DOCK2: variants seen among roughly 807,000 people sequenced by gnomAD.
DOCK2 encodes dedicator of cytokinesis protein 2.
A neutral mutation model predicts 248.9 loss-of-function variants in DOCK2; 87 were observed. The observed-to-expected ratio is 0.35, with a 90% CI of 0.29 to 0.42. DOCK2 has a LOEUF of 0.42. Among genes scored for constraint, DOCK2 ranks in the 10% least tolerant of loss-of-function variants. The pLI is 1.00. For synonymous variants in DOCK2, 805 were observed against 821.6 expected (o/e 0.98, Z 0.35); for missense variants, 1,747 against 2,300.2 (o/e 0.76, Z 4.92).
intron 27 of DOCK2, among the ~76,000 whole-genome samples, chr5:169,971,728 A>G (rs986661761): frequency 2.0e-5 from 3 of 152,230 alleles, no homozygotes; most frequent in African/African-American, 7.2e-5. Context: ...GCCTGAAGGC[A>G]ACACAGTAGG....
chr5:169,781,339 T>C (rs994161151), intron 25 of DOCK2, among the ~76,000 whole-genome samples: 4 of 152,216 alleles, frequency 2.6e-5, no homozygotes, highest in Non-Finnish European at 4.4e-5. Context: ...AGACCTGCTG[T>C]GCTAAGAGCT....
intron 27 of DOCK2, among the ~76,000 whole-genome samples, chr5:169,899,071 A>G (rs2113570852): frequency 6.6e-6 from 1 of 152,352 alleles, no homozygotes. Context: ...AAAGTGCAAG[A>G]TGGCAAGTAA....
intron 22 of DOCK2, among the ~76,000 whole-genome samples, chr5:169,720,120 A>C (rs1762113022): frequency 6.6e-6 from 1 of 152,190 alleles, no homozygotes; most frequent in African/African-American, 2.4e-5. Context: ...GTCATTCTGA[A>C]AGTGAAGTGT....
intron 27 of DOCK2, among the ~76,000 whole-genome samples, chr5:169,879,075 A>G (rs985714638): frequency 2.0e-5 from 3 of 152,194 alleles, no homozygotes; most frequent in African/African-American, 4.8e-5. Context: ...AGCAAGCAGC[A>G]TAGCCATAGC....
intron 27 of DOCK2, among the ~76,000 whole-genome samples, chr5:169,898,576 A>T (rs1263589096): frequency 2.6e-5 from 4 of 152,194 alleles, no homozygotes; most frequent in Non-Finnish European, 5.9e-5. Context: ...ACCGGATTGC[A>T]GTATGAGTTC....
intron 2 of DOCK2, among the ~76,000 whole-genome samples, chr5:169,656,480 C>T (rs1029141788): frequency 1.2e-4 from 18 of 152,106 alleles, no homozygotes; most frequent in African/African-American, 2.9e-4. Flanking sequence ...TGTGCCACCA[C>T]GCCTGTATTT....
intron 27 of DOCK2, among the ~76,000 whole-genome samples, chr5:169,841,067 T>C (rs1769933373): frequency 6.6e-6 from 1 of 152,148 alleles, no homozygotes; most frequent in African/African-American, 2.4e-5. Flanking sequence ...TAGTTGAGTG[T>C]ACCAGCGCTA....
chr5:170,015,456 T>C (rs1755486921), intron 32 of DOCK2, among the ~76,000 whole-genome samples: 1 of 152,154 alleles, frequency 6.6e-6, no homozygotes, highest in Admixed American at 6.5e-5. Flanking sequence ...AGAGAATTGA[T>C]TGCCTGTTTC....
chr5:169,652,948 C>G (rs555974458), intron 1 of DOCK2, among the ~76,000 whole-genome samples: 17 of 152,212 alleles, frequency 1.1e-4, no homozygotes, highest in Non-Finnish European at 1.9e-4. Flanking sequence ...TCCGTATCCT[C>G]AAAGGTAAAA....
intron 25 of DOCK2, among the ~76,000 whole-genome samples, chr5:169,788,077 A>G (rs1486206140): frequency 2.6e-4 from 40 of 152,040 alleles, no homozygotes; most frequent in Admixed American, 2.4e-3. Flanking sequence ...TCTTATAGAT[A>G]CTCAAACTCA....
intron 1 of DOCK2, among the ~76,000 whole-genome samples, chr5:169,648,064 G>A (rs970523913): frequency 6.6e-6 from 1 of 152,134 alleles, no homozygotes; most frequent in African/African-American, 2.4e-5. Flanking sequence ...ATGTGTGAGT[G>A]CAAGAGTGTG....
chr5:170,014,207 C>T (rs560327964), intron 32 of DOCK2, among the ~76,000 whole-genome samples: 52 of 152,178 alleles, frequency 3.4e-4, no homozygotes, highest in Non-Finnish European at 6.8e-4. Flanking sequence ...AGTGGCCATC[C>T]GTCTATTTGT....
At chr5:169,716,112 G>A in intron 19 of DOCK2, 101 bp from the exon 20 acceptor site, 1 of 1,047,482 alleles carries the variant, frequency 9.5e-7, no homozygotes, top group Non-Finnish European at 1.4e-6. Flanking sequence ...TGTGGTGGAT[G>A]TGTGCTCTCA....
chr5:169,953,704 G>A (rs1776757987), intron 27 of DOCK2, among the ~76,000 whole-genome samples: 1 of 152,154 alleles, frequency 6.6e-6, no homozygotes, highest in Admixed American at 6.5e-5. Flanking sequence ...GCAGCATAAA[G>A]TGAACTCCTC....
At chr5:169,812,417 G>A (rs1029124472) in intron 26 of DOCK2, among the ~76,000 whole-genome samples, 5 of 152,176 alleles carry the variant, frequency 3.3e-5, no homozygotes, top group Non-Finnish European at 5.9e-5. Flanking sequence ...GTTGAGTTGT[G>A]TAATTATTTC....
chr5:169,901,806 T>G (rs947320395), intron 27 of DOCK2, among the ~76,000 whole-genome samples: 3 of 152,258 alleles, frequency 2.0e-5, no homozygotes, highest in African/African-American at 7.2e-5. Context: ...GGAGGGGTTT[T>G]CTGGACCCTC....
chr5:169,956,419 G>T (rs911951294), intron 27 of DOCK2, among the ~76,000 whole-genome samples: 3 of 152,106 alleles, frequency 2.0e-5, no homozygotes, highest in African/African-American at 7.2e-5. Flanking sequence ...TCCCTCTCTC[G>T]TGGGTTGTAT....
chr5:170,009,850 C>T (rs1475213264), intron 32 of DOCK2, among the ~76,000 whole-genome samples: 8 of 152,176 alleles, frequency 5.3e-5, no homozygotes, highest in Admixed American at 3.3e-4. Flanking sequence ...GCATCAGACT[C>T]GAGCTAAGAG....
At chr5:170,077,888 T>C in intron 48 of DOCK2, 51 bp downstream of exon 48, 1 of 1,423,136 alleles carries the variant, frequency 7.0e-7, no homozygotes, top group Non-Finnish European at 9.8e-7. Context: ...TCCCTGGCTC[T>C]ATCCCCCCTC....
Sources: gnomAD v4.1 joint callset for allele counts (sites outside exome capture counted in the v4.1 genomes callset) on GRCh38, gnomAD v4.1.1 for gene constraint, MANE v1.5 for transcripts, NCBI Gene and HGNC (gene_info 2026-07-23, HGNC 2026-07-21) for gene names.